Variants in KCNN2 observed in about 807,000 individuals in gnomAD.
KCNN2 encodes the protein potassium calcium-activated channel subfamily N member 2, also known as small conductance calcium-activated potassium channel protein 2.
In KCNN2, 24 loss-of-function variants were observed where a neutral mutation model predicts 55.5. The ratio of observed to expected loss-of-function variants is 0.43; its 90% confidence interval spans 0.31 to 0.61. The LOEUF (loss-of-function observed/expected upper bound fraction) is 0.61. Ranked by LOEUF, KCNN2 falls within the 20% of genes least tolerant of loss-of-function variation. KCNN2 has a pLI of 0.08. For missense variants in KCNN2, 754 were observed against 853.6 expected (o/e 0.88, Z 1.45); for synonymous variants, 431 against 336.1 (o/e 1.28, Z -3.09).
At chr5:114,233,776 GC>G (rs1033048174) in intron 2 of KCNN2, among the ~76,000 whole-genome samples, 1 of 152,092 alleles carries the variant, frequency 6.6e-6, no homozygotes, top group African/African-American at 2.4e-5. Context: ...TATTGAGTGT[GC>G]TTTATCTTTG....
chr5:114,367,867 A>G (rs1757648715), intron 2 of KCNN2, among the ~76,000 whole-genome samples: 1 of 152,228 alleles, frequency 6.6e-6, no homozygotes, highest in Non-Finnish European at 1.5e-5. Flanking sequence ...AGGCAAACAT[A>G]AGATTCTAAG....
At chr5:114,308,590 T>C (rs544132731) in intron 2 of KCNN2, among the ~76,000 whole-genome samples, 1 of 152,228 alleles carries the variant, frequency 6.6e-6, no homozygotes, top group Admixed American at 6.5e-5. Flanking sequence ...CAGGAAGCAA[T>C]AGCACACAGT....
intron 2 of KCNN2, among the ~76,000 whole-genome samples, chr5:114,303,574 A>G (rs530906678): frequency 6.6e-6 from 1 of 152,348 alleles, no homozygotes; most frequent in African/African-American, 2.4e-5. Flanking sequence ...TGGAAGAAAG[A>G]GAATGACAGT....
intron 2 of KCNN2, among the ~76,000 whole-genome samples, chr5:114,367,501 T>C (rs1282799453): frequency 6.6e-6 from 1 of 152,240 alleles, no homozygotes; most frequent in Non-Finnish European, 1.5e-5. Flanking sequence ...AATAAATGCC[T>C]ATGTATCATG....
chr5:114,462,830 TAC>T (rs968092533), intron 3 of KCNN2, among the ~76,000 whole-genome samples: 32 of 152,228 alleles, frequency 2.1e-4, no homozygotes, highest in African/African-American at 7.2e-4. Flanking sequence ...TTTTATATTT[TAC>T]AGTCTCTTTC....
At chr5:114,263,238 G>T (rs1755145538) in intron 2 of KCNN2, among the ~76,000 whole-genome samples, 1 of 152,164 alleles carries the variant, frequency 6.6e-6, no homozygotes, top group Non-Finnish European at 1.5e-5. Context: ...TGGGGTAGGG[G>T]TGCATGTAGT....
At chr5:114,168,788 C>G (rs1752971204) in intron 1 of KCNN2, among the ~76,000 whole-genome samples, 1 of 151,988 alleles carries the variant, frequency 6.6e-6, no homozygotes, top group African/African-American at 2.4e-5. Flanking sequence ...CTAGTGGATC[C>G]AAGAATTCTG....
intron 1 of KCNN2, among the ~76,000 whole-genome samples, chr5:114,144,557 C>G (rs964674581): frequency 5.9e-5 from 9 of 151,932 alleles, no homozygotes; most frequent in African/African-American, 1.9e-4. Flanking sequence ...TTCCCAAGGC[C>G]TATGTAAGGC....
chr5:114,223,616 A>G (rs1325953786), intron 2 of KCNN2, among the ~76,000 whole-genome samples: 1 of 152,216 alleles, frequency 6.6e-6, no homozygotes, highest in Non-Finnish European at 1.5e-5. Context: ...TTTTTACAAG[A>G]GAATTTAATA....
intron 2 of KCNN2, among the ~76,000 whole-genome samples, chr5:114,242,702 A>G (rs1754669326): frequency 6.6e-6 from 1 of 152,222 alleles, no homozygotes; most frequent in Non-Finnish European, 1.5e-5. Context: ...AGGTATTGGT[A>G]TACATTTTTG....
chr5:114,202,358 A>C (rs966001875), intron 1 of KCNN2, among the ~76,000 whole-genome samples: 1 of 151,598 alleles, frequency 6.6e-6, no homozygotes, highest in Non-Finnish European at 1.5e-5. Flanking sequence ...CTTTACCTAT[A>C]TTTACTTTCC....
chr5:114,152,322 A>G (rs1752544988), intron 1 of KCNN2, among the ~76,000 whole-genome samples: 1 of 152,188 alleles, frequency 6.6e-6, no homozygotes, highest in African/African-American at 2.4e-5. Flanking sequence ...CTTAAAATGT[A>G]TTTTATCTAA....
At chr5:114,176,187 A>C (rs1177604938) in intron 1 of KCNN2, among the ~76,000 whole-genome samples, 2 of 152,170 alleles carry the variant, frequency 1.3e-5, no homozygotes, top group African/African-American at 4.8e-5. Flanking sequence ...TTCCTTAACC[A>C]CACGATGCCA....
At chr5:114,173,444 G>GTA (rs1194470633) in intron 1 of KCNN2, among the ~76,000 whole-genome samples, 2 of 39,828 alleles carry the variant, frequency 5.0e-5, no homozygotes, top group Admixed American at 2.7e-4. Flanking sequence ...TTGTTTGTGT[G>GTA]TGTGTGTGTG....
At chr5:114,153,467 C>T (rs934884726) in intron 1 of KCNN2, among the ~76,000 whole-genome samples, 1 of 152,152 alleles carries the variant, frequency 6.6e-6, no homozygotes, top group African/African-American at 2.4e-5. Flanking sequence ...GCCACAGTAT[C>T]ACAGATACCT....
At chr5:114,173,438 T>TTGTGTGTGTG (rs61630138) in intron 1 of KCNN2, among the ~76,000 whole-genome samples, 6 of 142,102 alleles carry the variant, frequency 4.2e-5, no homozygotes, top group Non-Finnish European at 9.2e-5. Context: ...TTTGTTTTGT[T>TTGTGTGTGTG]TGTGTGTGTG....
At chr5:114,146,212 A>G (rs187512216) in intron 1 of KCNN2, among the ~76,000 whole-genome samples, 74 of 152,234 alleles carry the variant, frequency 4.9e-4, no homozygotes, top group South Asian at 1.7e-3. Context: ...ACAGAACTAG[A>G]TTTAGGAATA....
chr5:114,261,405 A>G (rs186227999), intron 2 of KCNN2, among the ~76,000 whole-genome samples: 11 of 152,230 alleles, frequency 7.2e-5, no homozygotes, highest in Admixed American at 5.2e-4. Context: ...CTCACCCCTT[A>G]GTTCAGGCAC....
At chr5:114,187,440 C>A (rs1365775490) in intron 1 of KCNN2, among the ~76,000 whole-genome samples, 1 of 151,510 alleles carries the variant, frequency 6.6e-6, no homozygotes, top group Non-Finnish European at 1.5e-5. Context: ...AGATTCCTGG[C>A]CTAACCTTTT....
Sources: gnomAD v4.1 joint callset for allele counts (sites outside exome capture counted in the v4.1 genomes callset) on GRCh38, gnomAD v4.1.1 for gene constraint, MANE v1.5 for transcripts, NCBI Gene and HGNC (gene_info 2026-07-23, HGNC 2026-07-21) for gene names.